The following ZNF337 variants were observed in gnomAD, a reference collection of about 807,000 sequenced individuals.
ZNF337 encodes zinc finger protein 337.
ZNF337 carries 8 observed loss-of-function variants against 12.1 expected under a neutral mutation model. The ratio of observed to expected loss-of-function variants is 0.66; its 90% confidence interval spans 0.39 to 1.19. The LOEUF is 1.19. Ranked by LOEUF, ZNF337 falls within the 50% of genes most tolerant of loss-of-function variation. The probability of loss-of-function intolerance (pLI) is 0.01; values close to 1 mark genes in which losing one functional copy is unlikely to be tolerated. For synonymous variants in ZNF337, 336 were observed against 320.0 expected, an observed-to-expected ratio of 1.05 and a Z score of -0.53; for missense variants, 882 against 896.6, an observed-to-expected ratio of 0.98 and a Z score of 0.21.
rs1266857871 is a variant in ZNF337, at chr20:25,685,600, C to T, written c.217G>A (p.Glu73Lys). The change falls in exon 4 of 5, where the codon GAA becomes AAA. Residue 73 changes from glutamate to lysine, a missense_variant. By Grantham distance (56) the Glu-to-Lys change is moderately conservative. Coordinates refer to ENST00000252979, the MANE Select transcript of ZNF337 (RefSeq NM_015655.4). ...RLEQGEVPWG[E>K]ERRRRPGPCA... is the part of the protein sequence containing the mutation. ...GGGCCTGGCCGGCGTCTTCTCTCTT[C>T]TCCCCAGGGCACTTCCCCTTGCTCT... 5 of 1,614,224 alleles carry T rather than the reference C, an allele frequency of 3.1e-6. No homozygotes were observed. The highest frequency in any genetic ancestry group is 4.2e-6 in the Non-Finnish European group (5 of 1,180,020).
chr20:25,696,009 C>A (rs980421487), intron 1 of ZNF337, among the ~76,000 whole-genome samples: 3 of 151,108 alleles, frequency 2.0e-5, no homozygotes, highest in Non-Finnish European at 4.4e-5. Flanking sequence ...ATTTTGCCGT[C>A]ATTAGCAAGG....
At position 25,696,826 on chromosome 20, in the gene ZNF337, T is replaced by G. The variant is rs914738901; in HGVS notation, c.-117A>C. 5 of 985,384 alleles carry G rather than the reference T, an allele frequency of 5.1e-6. No homozygotes were observed. The highest frequency in any genetic ancestry group is 1.1e-4 in the East Asian group (1 of 8,824). 61.0% of individuals were successfully genotyped at this position (985,384 alleles called of 1,614,324 possible). A position where few individuals can be genotyped will look rare whatever the true frequency, so the allele number is the denominator to read the frequency against. On this transcript the variant is annotated 5_prime_UTR_variant, in exon 1 of 5. Coordinates refer to ENST00000252979, the MANE Select transcript of ZNF337 (RefSeq NM_015655.4). ...GTGGACCACGCATCTCACGGCTCGC[T>G]GACGCCCAGGGATCTGGAACGCTCT...
rs1302423088 is a variant in ZNF337 at position 25,696,699 on chromosome 20, C to G, written c.-50+60G>C. On this transcript the variant is annotated intron_variant, in intron 1 of 4. Coordinates refer to ENST00000252979, the MANE Select transcript of ZNF337 (RefSeq NM_015655.4). ...GCCCTCACGTCCCAGGCCTTCCCGG[C>G]CCTTCTTCCTGCGCCGGAAGGGCGC... 3.1e-6 allele frequency: 3 copies of G among 974,154 alleles called. No homozygotes were observed. In the African/African-American group the frequency reaches 5.3e-5, roughly 17 times the overall value. The allele number at this position is 974,154 out of a possible 1,614,324, so 60.3% of individuals were successfully genotyped here.
intron 1 of ZNF337, among the ~76,000 whole-genome samples, chr20:25,691,074 C>T (rs1401473809): frequency 2.6e-5 from 4 of 151,900 alleles, no homozygotes; most frequent in East Asian, 3.9e-4. Context: ...TCATGAAACA[C>T]GGGTAGAGAA....
Position 25,676,444 on chromosome 20 carries a change from GCA to G in ZNF337, c.842_843del (p.Val281AlafsTer2), listed in dbSNP as rs1305374829. On this transcript the variant is annotated frameshift_variant, in exon 5 of 5. Transcript: ENST00000252979. LOFTEE classifies it low-confidence loss of function (END_TRUNC). ...RGYTSKSYLT[V>X]HERTHTGEKP... Reference sequence around the variant, plus strand: ...TTCTCTCCTGTGTGTGTTCTCTCATGCACAGTGAGGTATGACTTACTGGTATA... The same window carrying G: ...TTCTCTCCTGTGTGTGTTCTCTCATGCAGTGAGGTATGACTTACTGGTATA... 1.9e-6 allele frequency: 3 copies of G among 1,614,038 alleles called. No individual in the cohort carries two copies. Among genetic ancestry groups the G allele is most frequent in the Non-Finnish European group, 2.5e-6 (3 of 1,180,006 alleles).
Position 25,675,469 on chromosome 20 carries a change from G to A in ZNF337, c.1819C>T (p.Gln607Ter), listed in dbSNP as rs1373906424. ...EKPFICSECG[Q>*]GFIWKSNLVK... ...AGATTTGACTTCCAGATAAATCCTTGCCCACATTCACTACAGATGAAAGGC... is the reference window on the plus strand; with the variant it reads ...AGATTTGACTTCCAGATAAATCCTTACCCACATTCACTACAGATGAAAGGC... The change falls in exon 5 of 5, where the codon CAA becomes TAA. Residue 607 changes from glutamine (Q) to a stop codon, truncating the protein, a stop_gained. Coordinates refer to ENST00000252979, the MANE Select transcript of ZNF337 (RefSeq NM_015655.4). LOFTEE classifies it low-confidence loss of function (END_TRUNC). 2 of 1,614,064 alleles carry A rather than the reference G, an allele frequency of 1.2e-6. No individual in the cohort carries two copies. Among genetic ancestry groups the A allele is most frequent in the Non-Finnish European group, 1.7e-6 (2 of 1,180,030 alleles).
At chr20:25,686,166 A>G in intron 2 of ZNF337, 44 bp from the exon 3 acceptor site, 1 of 1,611,486 alleles carries the variant, frequency 6.2e-7, no homozygotes, top group Non-Finnish European at 8.5e-7. Context: ...ACAGTGTTGC[A>G]CTCACGCAGT....
chr20:25,691,650 G>A (rs1351269141), intron 1 of ZNF337, among the ~76,000 whole-genome samples: 3 of 152,214 alleles, frequency 2.0e-5, no homozygotes, highest in Non-Finnish European at 4.4e-5. Flanking sequence ...CCACAGTGGA[G>A]TTTCTCTCAG....
At position 25,673,604 on chromosome 20, in the gene ZNF337, T is replaced by C. The variant is rs1197446956; in HGVS notation, c.*1428A>G. Among the ~76,000 whole-genome samples, 3 of 152,194 alleles carry C rather than the reference T, an allele frequency of 2.0e-5. No individual in the cohort carries two copies. Among genetic ancestry groups the C allele is most frequent in the South Asian group, 2.1e-4 (1 of 4,834 alleles). ...TACGAAGGGTCTGACCTCTACAAAA[T>C]AGACATGCATTGGCTGAGCATTCCA... is the stretch of plus-strand genomic sequence containing the variant. On this transcript the variant is annotated 3_prime_UTR_variant, in exon 5 of 5. Coordinates refer to ENST00000252979, the MANE Select transcript of ZNF337 (RefSeq NM_015655.4).
At chr20:25,688,023 A>C (rs371526102) in intron 1 of ZNF337, among the ~76,000 whole-genome samples, 1 of 152,246 alleles carries the variant, frequency 6.6e-6, no homozygotes, top group East Asian at 1.9e-4. Flanking sequence ...GAAGAAAAAC[A>C]GTGAAATTTC....
rs369003694 is a variant in ZNF337 at position 25,686,139 on chromosome 20, A to G, written c.28-17T>C. ...CAAGAAAGCCTGTAACACAAAACCC[A>G]GGCATGCTCACCAGGGACAGTGTTG... On this transcript the variant is annotated splice_polypyrimidine_tract_variant and intron_variant, in intron 2 of 4. Coordinates refer to ENST00000252979, the MANE Select transcript of ZNF337 (RefSeq NM_015655.4). 4.3e-6 allele frequency: 7 copies of G among 1,613,554 alleles called. No homozygotes were observed. In the African/African-American group the frequency reaches 8.0e-5, roughly 18 times the overall value.
At chr20:25,694,454 A>G (rs1569018487) in intron 1 of ZNF337, among the ~76,000 whole-genome samples, 1 of 152,102 alleles carries the variant, frequency 6.6e-6, no homozygotes, top group Non-Finnish European at 1.5e-5. Flanking sequence ...GTATATCTTG[A>G]CTGATGGGTC....
chr20:25,681,502 A>G (rs2065767536), intron 4 of ZNF337, among the ~76,000 whole-genome samples: 1 of 151,752 alleles, frequency 6.6e-6, no homozygotes, highest in Non-Finnish European at 1.5e-5. Context: ...AGTCAACAAC[A>G]ATAACCATAA....
At chr20:25,681,420 G>A (rs964774017) in intron 4 of ZNF337, among the ~76,000 whole-genome samples, 2 of 152,044 alleles carry the variant, frequency 1.3e-5, no homozygotes, top group African/African-American at 4.8e-5. Flanking sequence ...TTTATGGGGT[G>A]GTGGGAAGCA....
chr20:25,687,790 C>T (rs1253216492), intron 1 of ZNF337, among the ~76,000 whole-genome samples: 1 of 152,196 alleles, frequency 6.6e-6, no homozygotes, highest in Non-Finnish European at 1.5e-5. Context: ...GAGATGAATG[C>T]ATAACTATTT....
chr20:25,675,314 A>T lies in ZNF337; in HGVS notation c.1974T>A (p.Cys658Ter), dbSNP rs1340099019. The T allele has an allele frequency of 2.5e-6, 4 of 1,613,928 alleles. No homozygotes were observed. The East Asian group carries it at 8.9e-5, about 36-fold the overall frequency. Residue 658 changes from cysteine (C) to a stop codon, truncating the protein, a stop_gained, in exon 5 of 5, where the codon TGT (cysteine) becomes TGA (stop). Transcript: ENST00000252979. LOFTEE classifies it low-confidence loss of function (END_TRUNC). ...RTHSGEKPFV[C>*]NVCGQGFSWK... ...AGCTGAAGCCTTGCCCACACACATT[A>T]CACACGAAGGGCTTCTCCCCTGAGT...
rs761016141 is a variant in ZNF337, at chr20:25,675,397, T to C, written c.1891A>G (p.Lys631Glu). 3.7e-6 allele frequency: 6 copies of C among 1,613,742 alleles called. No homozygotes were observed. The East Asian group carries it at 8.9e-5, about 24-fold the overall frequency. ...AHSGKQPFVC[K>E]ECGRGFNWKG... ...CAGTTGAAGCCTCGCCCACACTCCTTGCATACAAAAGGCTGCTTGCCAGAA... is the reference window on the plus strand; with the variant it reads ...CAGTTGAAGCCTCGCCCACACTCCTCGCATACAAAAGGCTGCTTGCCAGAA... Residue 631 changes from lysine to glutamate, a missense_variant, in exon 5 of 5, where the codon AAG becomes GAG. By Grantham distance (56) the Lys-to-Glu change is moderately conservative. Transcript: ENST00000252979.
rs1364572528 is a variant in ZNF337, at chr20:25,679,655, A to G, written c.251-2618T>C. On this transcript the variant is annotated intron_variant, in intron 4 of 4. Transcript: ENST00000252979. ...ATGGCTATTATCAAAAAGAGAAAAA[A>G]TAACAAATAATGGCAAAGATGCAGA... is the stretch of plus-strand genomic sequence containing the variant. Among the ~76,000 whole-genome samples the G allele has an allele frequency of 3.9e-5, 6 of 152,186 alleles. No individual in the cohort carries two copies. The East Asian group carries it at 1.2e-3, about 29-fold the overall frequency.
chr20:25,679,241 A>C (rs1311085613), intron 4 of ZNF337, among the ~76,000 whole-genome samples: 1 of 152,226 alleles, frequency 6.6e-6, no homozygotes, highest in Non-Finnish European at 1.5e-5. Context: ...GAAATGCTTT[A>C]GGACACTGGC....
Sources: allele counts gnomAD v4.1 joint callset (sites outside exome capture counted in the v4.1 genomes callset), GRCh38; gene constraint gnomAD v4.1.1; transcripts MANE v1.5; gene names NCBI Gene and HGNC (gene_info 2026-07-23, HGNC 2026-07-21).